TJP3: variants seen among roughly 807,000 people sequenced by gnomAD.
The protein encoded by TJP3 is tight junction protein ZO-3.
A neutral mutation model predicts 104.2 loss-of-function variants in TJP3; 85 were observed. The ratio of observed to expected loss-of-function variants is 0.82; its 90% CI spans 0.68 to 0.98. TJP3 has a LOEUF of 0.98. TJP3 is among the 50% of genes least tolerant of loss of function. The probability of loss-of-function intolerance (pLI) is 0.00; values close to 1 mark genes in which losing one functional copy is unlikely to be tolerated. For missense variants in TJP3, 1,367 were observed against 1,322.8 expected, an observed-to-expected ratio of 1.03 and a Z score of -0.52; for synonymous variants, 550 against 550.6, an observed-to-expected ratio of 1.00 and a Z score of 0.02.
At chr19:3,735,537 T>A (rs1464928254) in intron 8 of TJP3, 29 bp from the exon 9 acceptor site, 1 of 1,612,114 alleles carries the variant, frequency 6.2e-7, no homozygotes, top group Non-Finnish European at 8.5e-7. Context: ...AATCCATCCC[T>A]GCCTCACTCC....
chr19:3,737,664 C>T (rs2036754437), intron 11 of TJP3, among the ~76,000 whole-genome samples: 1 of 152,198 alleles, frequency 6.6e-6, no homozygotes, highest in Non-Finnish European at 1.5e-5. Flanking sequence ...CTTGACCTTG[C>T]AGTGTGAGTT....
chr19:3,718,186 C>T (rs1344127320), intron 1 of TJP3, among the ~76,000 whole-genome samples: 1 of 92,268 alleles, frequency 1.1e-5, no homozygotes, highest in Non-Finnish European at 2.1e-5. Flanking sequence ...GGCGAGACTC[C>T]AACTCAAAAA....
Position 3,746,013 on chromosome 19 carries a change from A to G in TJP3, c.1942A>G (p.Thr648Ala), listed in dbSNP as rs1299630102. ...EMPDQFEIAE[T>A]VSRTDSPSKI... ...CTGGTCCTCTCTGCCGTCCACAGAG[A>G]CTGTGTCCAGGACCGACAGCCCCTC... The change falls in exon 16 of 21, where the codon ACT (threonine) becomes GCT (alanine). Residue 648 changes from threonine to alanine, a missense_variant and splice_region_variant. Transcript: ENST00000541714. This position sits in a 1 kb window ranked among gnomAD's most constrained non-coding sequence, Gnocchi z 4.1. The G allele has an allele frequency of 6.2e-6, 10 of 1,604,782 alleles. No homozygotes were observed. The highest frequency in any genetic ancestry group is 8.5e-6 in the Non-Finnish European group (10 of 1,175,362).
chr19:3,750,448 G>A, intron 20 of TJP3, 134 bp from the exon 21 acceptor site: 5 of 824,572 alleles, frequency 6.1e-6, no homozygotes. Context: ...TGTTAACAAG[G>A]CCCTACCCAT....
Position 3,746,139 on chromosome 19 carries a change from C to A in TJP3, c.2010+58C>A. The A allele has an allele frequency of 6.7e-7, 1 of 1,499,470 alleles. No individual in the cohort carries two copies. The highest frequency in any genetic ancestry group is 9.1e-7 in the Non-Finnish European group (1 of 1,095,360). 92.9% of individuals were successfully genotyped at this position (1,499,470 alleles called of 1,614,324 possible). A position where few individuals can be genotyped will look rare whatever the true frequency, so the allele number is the denominator to read the frequency against. ...TGGATGGGGGAAACCGAGGCCTGGGCATCCAACTGAATGTCCTGACCTGTT... is the reference window on the plus strand; with the variant it reads ...TGGATGGGGGAAACCGAGGCCTGGGAATCCAACTGAATGTCCTGACCTGTT... On this transcript the variant is annotated intron_variant, in intron 16 of 20. Transcript: ENST00000541714. The surrounding 1 kb of genome is among the most constrained non-coding windows in gnomAD (Gnocchi z 4.1).
chr19:3,747,558 C>T (rs1453914504), intron 18 of TJP3, among the ~76,000 whole-genome samples: 1 of 152,198 alleles, frequency 6.6e-6, no homozygotes, highest in Admixed American at 6.5e-5. Flanking sequence ...ATGGAGTCTT[C>T]TCTTGGGGCT....
Position 3,745,133 on chromosome 19 carries a change from C to CTTTTTTTTTTT in TJP3, c.1940-858_1940-848dup, listed in dbSNP as rs549831017. 1.6e-4 allele frequency among the ~76,000 whole-genome samples: 11 copies of CTTTTTTTTTTT among 70,046 alleles called. 2 individuals carry two copies. Among genetic ancestry groups the CTTTTTTTTTTT allele is most frequent in the Middle Eastern group, 0.01 (1 of 98 alleles). The allele number at this position is 70,046 out of a possible 152,430, so 46.0% of individuals were successfully genotyped here. On this transcript the variant is annotated intron_variant, in intron 15 of 20. Transcript: ENST00000541714. Reference sequence around the variant, plus strand: ...TTAAAAAAAGATGCAAATTTTATGTCTTTTTTTTTTTTTTTTTTTTTTTTT... The same window carrying CTTTTTTTTTTT: ...TTAAAAAAAGATGCAAATTTTATGTCTTTTTTTTTTTTTTTTTTTTTTTTTTTTTTTTTTTT...
At chr19:3,709,107 G>T (rs1309397767) in intron 1 of TJP3, among the ~76,000 whole-genome samples, 1 of 152,086 alleles carries the variant, frequency 6.6e-6, no homozygotes, top group African/African-American at 2.4e-5. Context: ...GATTGGGGTG[G>T]CCTTTCTTTT....
intron 14 of TJP3, 35 bp from the exon 15 acceptor site, chr19:3,743,904 G>C (rs769119870): frequency 1.3e-5 from 21 of 1,599,742 alleles, no homozygotes; most frequent in Non-Finnish European, 1.8e-5. Flanking sequence ...TCGCAAATGG[G>C]ACCCTGATTC....
rs1266032099 is a variant in TJP3, at chr19:3,746,646, C to G, written c.2172C>G (p.Leu724=). The change falls in exon 17 of 21, where the codon CTC becomes CTG. Residue 724 remains leucine (L), a synonymous_variant. Transcript: ENST00000541714. The surrounding 1 kb of genome is among the most constrained non-coding windows in gnomAD (Gnocchi z 4.1). ...CCTCCCGCCGCAGCACCCGTCGCCTCTACGCACAAGCCCAGAAGCTGCGAA... is the reference window on the plus strand; with the variant it reads ...CCTCCCGCCGCAGCACCCGTCGCCTGTACGCACAAGCCCAGAAGCTGCGAA... ...APASRRSTRR[L]YAQAQKLRKH... is the part of the protein sequence containing the mutation. 1 of 1,613,426 alleles carries G rather than the reference C, an allele frequency of 6.2e-7. No homozygotes were observed. The highest frequency in any genetic ancestry group is 8.5e-7 in the Non-Finnish European group (1 of 1,179,840).
At position 3,746,358 on chromosome 19, in the gene TJP3, C is replaced by A; in HGVS notation, c.2011-127C>A. The A allele has an allele frequency of 9.3e-7, 1 of 1,071,674 alleles. No homozygotes were observed. The highest frequency in any genetic ancestry group is 1.3e-6 in the Non-Finnish European group (1 of 745,254). The allele number at this position is 1,071,674 out of a possible 1,614,324, so 66.4% of individuals were successfully genotyped here. A position where few individuals can be genotyped will look rare whatever the true frequency, so the allele number is the denominator to read the frequency against. On this transcript the variant is annotated intron_variant, in intron 16 of 20. Coordinates refer to ENST00000541714, the MANE Select transcript of TJP3 (RefSeq NM_001267560.2). This position sits in a 1 kb window ranked among gnomAD's most constrained non-coding sequence, Gnocchi z 4.1. ...GGGCTGTTACCACCCCCATCCCCAA[C>A]TTGCTAGCCTGTGGATGTGAGAGGC... is the stretch of plus-strand genomic sequence containing the variant.
chr19:3,748,848 CTTTTTTT>C (rs71166925), intron 19 of TJP3, among the ~76,000 whole-genome samples: 5 of 48,784 alleles, frequency 1.0e-4, no homozygotes, highest in East Asian at 4.9e-4. Context: ...TGCACCCGGC[CTTTTTTT>C]TTTTTTTTTT....
At chr19:3,735,787 C>T in intron 9 of TJP3, 82 bp from the exon 10 acceptor site, 7 of 1,589,952 alleles carry the variant, frequency 4.4e-6, no homozygotes, top group Non-Finnish European at 6.0e-6. Flanking sequence ...GACAGTCCTT[C>T]CAGGATGAGG....
rs1284491463 is a variant in TJP3, at chr19:3,711,339, C to T, written c.-10+2778C>T. On this transcript the variant is annotated intron_variant, in intron 1 of 20. Coordinates refer to ENST00000541714, the MANE Select transcript of TJP3 (RefSeq NM_001267560.2). ...TCAGCCTCCCAAGTAGCTGGGATTA[C>T]AGGCGCCCACCACCACGCCCAGCTA... Among the ~76,000 whole-genome samples, 4 of 86,604 alleles carry T rather than the reference C, an allele frequency of 4.6e-5. 1 individual carries two copies. The highest frequency in any genetic ancestry group is 9.1e-5 in the Non-Finnish European group (4 of 43,878). The allele number at this position is 86,604 out of a possible 152,430, so 56.8% of individuals were successfully genotyped here.
chr19:3,732,915 G>C, intron 6 of TJP3, among the ~76,000 whole-genome samples: 1 of 151,346 alleles, frequency 6.6e-6, no homozygotes. Flanking sequence ...AAAGTGCTGG[G>C]ATTACAGGCA....
chr19:3,742,489 CA>C (rs1259631137), intron 14 of TJP3, among the ~76,000 whole-genome samples: 1 of 150,650 alleles, frequency 6.6e-6, no homozygotes, highest in South Asian at 2.1e-4. Context: ...TATCAGAGGA[CA>C]GGGGGTTAAA....
intron 19 of TJP3, 125 bp from the exon 20 acceptor site, chr19:3,750,013 C>G (rs1285039850): frequency 8.2e-7 from 1 of 1,216,908 alleles, no homozygotes; most frequent in African/African-American, 1.5e-5. Flanking sequence ...GCAGACTTGT[C>G]ACGGGGTTAG....
rs555320553 is a variant in TJP3, at chr19:3,728,830, ATCACCTGAGT to A, written c.158+121_158+130del. 1.3e-5 allele frequency: 14 copies of A among 1,086,492 alleles called. No homozygotes were observed. In the South Asian group the frequency reaches 2.0e-4, roughly 16 times the overall value. The allele number at this position is 1,086,492 out of a possible 1,614,324, so 67.3% of individuals were successfully genotyped here. A position where few individuals can be genotyped will look rare whatever the true frequency, so the allele number is the denominator to read the frequency against. The stretch of plus-strand genomic sequence containing the variant: ...CACTTTGCGAGGCTGAAGTGGGCGG[ATCACCTGAGT>A]TCAGGAGTTTGAGACCAGCCTGGCC... On this transcript the variant is annotated intron_variant, in intron 3 of 20. Coordinates refer to ENST00000541714, the MANE Select transcript of TJP3 (RefSeq NM_001267560.2).
At chr19:3,744,264 T>C (rs1157892800) in intron 15 of TJP3, among the ~76,000 whole-genome samples, 1 of 152,186 alleles carries the variant, frequency 6.6e-6, no homozygotes, top group Non-Finnish European at 1.5e-5. Context: ...CATTGCCAAT[T>C]GAGGCAAAGT....
Sources: allele counts gnomAD v4.1 joint callset (sites outside exome capture counted in the v4.1 genomes callset), GRCh38; gene constraint gnomAD v4.1.1; non-coding constraint Gnocchi (gnomAD v3.1); transcripts MANE v1.5; gene names NCBI Gene and HGNC (gene_info 2026-07-23, HGNC 2026-07-21).